The following DARS1 variants were observed in gnomAD, a reference collection of about 807,000 sequenced individuals.
DARS1 encodes aspartate--tRNA ligase, cytoplasmic.
In DARS1, 51 loss-of-function variants were observed where a neutral mutation model predicts 68.8. The observed-to-expected ratio is 0.74, with a 90% CI of 0.59 to 0.94. The LOEUF is 0.94. DARS1 is among the 40% of genes least tolerant of loss of function. DARS1 has a pLI of 0.00. For missense variants in DARS1, 607 were observed against 597.3 expected (o/e 1.02, Z -0.17); for synonymous variants, 203 against 190.4 (o/e 1.07, Z -0.55).
At chr2:135,938,465 T>C (rs370011487) in intron 5 of DARS1, among the ~76,000 whole-genome samples, 1 of 152,238 alleles carries the variant, frequency 6.6e-6, no homozygotes. Context: ...AAGTTTATTA[T>C]CTACCGTCTG....
At chr2:135,956,488 A>AG (rs906960271) in intron 4 of DARS1, among the ~76,000 whole-genome samples, 1 of 152,170 alleles carries the variant, frequency 6.6e-6, no homozygotes, top group Non-Finnish European at 1.5e-5. Context: ...TCAGATACTG[A>AG]GGGGGGATGA....
intron 2 of DARS1, among the ~76,000 whole-genome samples, chr2:135,982,033 T>C (rs1682643904): frequency 6.6e-6 from 1 of 152,180 alleles, no homozygotes; most frequent in African/African-American, 2.4e-5. Context: ...CTAGAGGTGT[T>C]TTATTTCCAA....
At chr2:135,915,203 C>T (rs1379038319) in intron 11 of DARS1, among the ~76,000 whole-genome samples, 2 of 152,022 alleles carry the variant, frequency 1.3e-5, no homozygotes, top group Non-Finnish European at 2.9e-5. Flanking sequence ...CTCCTAAATA[C>T]ACATGTATTG....
At chr2:135,985,310 G>A (rs1682751489) in intron 1 of DARS1, 93 bp downstream of exon 1, 1 of 1,494,256 alleles carries the variant, frequency 6.7e-7, no homozygotes, top group Non-Finnish European at 8.9e-7. Context: ...GTGCCGACAA[G>A]GACCTGTAGG....
intron 3 of DARS1, among the ~76,000 whole-genome samples, chr2:135,964,813 C>T (rs1682186118): frequency 7.5e-6 from 1 of 133,006 alleles, no homozygotes; most frequent in South Asian, 2.4e-4. Context: ...TGCACTCCAG[C>T]CTGGGTAACA....
At chr2:135,948,296 C>T (rs1349802852) in intron 4 of DARS1, among the ~76,000 whole-genome samples, 1 of 152,192 alleles carries the variant, frequency 6.6e-6, no homozygotes, top group Non-Finnish European at 1.5e-5. Flanking sequence ...CATATGGATG[C>T]TCAAGGGGTA....
chr2:135,943,004 T>C (rs1681641595), intron 5 of DARS1, among the ~76,000 whole-genome samples: 1 of 152,216 alleles, frequency 6.6e-6, no homozygotes, highest in South Asian at 2.1e-4. Flanking sequence ...TGTCTGTTCT[T>C]AGGGTTTCGC....
intron 10 of DARS1, among the ~76,000 whole-genome samples, chr2:135,919,177 C>T (rs1245940269): frequency 1.3e-5 from 2 of 151,922 alleles, no homozygotes; most frequent in Admixed American, 1.3e-4. Context: ...ATTACAGGAG[C>T]GTGCCACCAT....
At chr2:135,974,198 T>C (rs192183821) in intron 3 of DARS1, among the ~76,000 whole-genome samples, 56 of 152,308 alleles carry the variant, frequency 3.7e-4, no homozygotes, top group African/African-American at 1.3e-3. Context: ...TTGACTTTAA[T>C]TGGGAATGTG....
At chr2:135,937,030 C>T (rs1281652792) in intron 5 of DARS1, among the ~76,000 whole-genome samples, 1 of 152,120 alleles carries the variant, frequency 6.6e-6, no homozygotes, top group Non-Finnish European at 1.5e-5. Context: ...AATCTGAGCA[C>T]TGTAGGTTCA....
At chr2:135,938,035 G>A (rs976224266) in intron 5 of DARS1, among the ~76,000 whole-genome samples, 1 of 152,150 alleles carries the variant, frequency 6.6e-6, no homozygotes, top group Non-Finnish European at 1.5e-5. Flanking sequence ...ATGTTGGCCT[G>A]CCTTGCTAGG....
In DARS1 at chr2:135,961,336, CT is replaced by C. The variant is rs1212670956; in HGVS notation, c.320+59del. ...TAATGTATGAAAATGGTCCAAACCC[CT>C]GGGAGTCTTGGTTCCCACCATTGTT... On this transcript the variant is annotated intron_variant, in intron 4 of 15. Coordinates refer to ENST00000264161, the MANE Select transcript of DARS1 (RefSeq NM_001349.4). 5.8e-6 allele frequency: 5 copies of C among 859,456 alleles called. No individual in the cohort carries two copies. In the African/African-American group the frequency reaches 6.6e-5, roughly 11 times the overall value. The allele number at this position is 859,456 out of a possible 1,614,324, so 53.2% of individuals were successfully genotyped here.
At chr2:135,928,976 CATA>C (rs1402090820) in intron 7 of DARS1, among the ~76,000 whole-genome samples, 2 of 152,134 alleles carry the variant, frequency 1.3e-5, no homozygotes, top group Non-Finnish European at 2.9e-5. Flanking sequence ...TATTATATTA[CATA>C]TAATAACAAC....
intron 12 of DARS1, 112 bp downstream of exon 12, chr2:135,914,357 T>C (rs982517481): frequency 2.8e-6 from 2 of 706,390 alleles, no homozygotes; most frequent in Middle Eastern, 2.6e-4. Flanking sequence ...TCGGTTTTTA[T>C]TTATTCCAGA....
At chr2:135,971,168 T>TAC (rs1347664322) in intron 3 of DARS1, among the ~76,000 whole-genome samples, 2 of 152,130 alleles carry the variant, frequency 1.3e-5, no homozygotes, top group Non-Finnish European at 2.9e-5. Flanking sequence ...CTATCTCTGA[T>TAC]AAATACTGAT....
intron 7 of DARS1, among the ~76,000 whole-genome samples, chr2:135,926,235 A>T (rs1338040504): frequency 6.6e-6 from 1 of 152,148 alleles, no homozygotes; most frequent in Non-Finnish European, 1.5e-5. Context: ...AAACTTATGA[A>T]CTGGTTGTCA....
At chr2:135,913,801 C>T (rs531876173) in intron 12 of DARS1, among the ~76,000 whole-genome samples, 1 of 151,834 alleles carries the variant, frequency 6.6e-6, no homozygotes, top group South Asian at 2.1e-4. Flanking sequence ...TGACTTTCAA[C>T]ATTTTTGATA....
intron 10 of DARS1, among the ~76,000 whole-genome samples, chr2:135,918,059 A>G (rs1471501578): frequency 6.6e-6 from 1 of 152,036 alleles, no homozygotes. Flanking sequence ...AGCTGGGACT[A>G]CAAGCGTGTG....
intron 3 of DARS1, among the ~76,000 whole-genome samples, chr2:135,977,328 C>T (rs900972943): frequency 6.6e-6 from 1 of 152,190 alleles, no homozygotes; most frequent in African/African-American, 2.4e-5. Context: ...GATTCAAACA[C>T]ACATCTGTCT....
Sources: gnomAD v4.1 joint callset for allele counts (sites outside exome capture counted in the v4.1 genomes callset) on GRCh38, gnomAD v4.1.1 for gene constraint, MANE v1.5 for transcripts, NCBI Gene and HGNC (gene_info 2026-07-23, HGNC 2026-07-21) for gene names.